Variants in CROT observed in about 807,000 individuals in gnomAD.
CROT encodes the protein peroxisomal carnitine O-octanoyltransferase.
A neutral mutation model predicts 89.2 loss-of-function variants in CROT; 84 were observed. The ratio of observed to expected loss-of-function variants is 0.94; its 90% CI spans 0.79 to 1.13. The LOEUF is 1.13. Among genes scored for constraint, CROT ranks in the 50% most tolerant of loss-of-function variants. The pLI is 0.00. For missense variants in CROT, 711 were observed against 727.8 expected (o/e 0.98, Z 0.27); for synonymous variants, 212 against 239.5 (o/e 0.89, Z 1.06).
chr7:87,361,678 G>T lies in CROT; in HGVS notation c.423-50G>T, dbSNP rs149947132. On this transcript the variant is annotated intron_variant, in intron 5 of 17. Transcript: ENST00000331536. ...GGGGATGAACACTTCAGTTGTGGCTGGTTTTTAAATTTTATAATGACTTTT... is the reference window on the plus strand; with the variant it reads ...GGGGATGAACACTTCAGTTGTGGCTTGTTTTTAAATTTTATAATGACTTTT... The T allele has an allele frequency of 5.2e-6, 8 of 1,533,874 alleles. No homozygotes were observed. In the Admixed American group the frequency reaches 1.7e-4, roughly 33 times the overall value.
rs527692144 is a variant in CROT at position 87,369,176 on chromosome 7, G to T, written c.548-200G>T. On this transcript the variant is annotated intron_variant, in intron 6 of 17. Transcript: ENST00000331536. ...CATTGATTTCTAGATGTCTCACATG[G>T]AACAAGTGTCAGGAGTATGTATTTA... Among the ~76,000 whole-genome samples, 9 of 152,254 alleles carry T rather than the reference G, an allele frequency of 5.9e-5. No homozygotes were observed. The South Asian group carries it at 1.9e-3, about 32-fold the overall frequency.
intron 6 of CROT, among the ~76,000 whole-genome samples, chr7:87,367,103 A>G (rs1394267380): frequency 6.6e-6 from 1 of 152,222 alleles, no homozygotes. Context: ...AATTGTTAAT[A>G]TGTTAGGTTA....
intron 3 of CROT, 85 bp downstream of exon 3, chr7:87,349,268 C>G: frequency 3.2e-6 from 2 of 623,390 alleles, no homozygotes; most frequent in Non-Finnish European, 5.3e-6. Context: ...GGGTCTCGAT[C>G]CAGACTCTAA....
At chr7:87,375,441 G>A (rs1182493347) in intron 7 of CROT, 191 bp from the exon 8 acceptor site, 1 of 511,150 alleles carries the variant, frequency 2.0e-6, no homozygotes, top group African/African-American at 1.9e-5. Context: ...TGTCAAATAT[G>A]CTTTTGGTGT....
chr7:87,358,351 G>A lies in CROT; in HGVS notation c.116-855G>A, dbSNP rs527331272. Among the ~76,000 whole-genome samples, 10 of 150,830 alleles carry A rather than the reference G, an allele frequency of 6.6e-5. No homozygotes were observed. In the South Asian group the frequency reaches 1.0e-3, roughly 16 times the overall value. Reference sequence around the variant, plus strand: ...AAAAAAAAGAGCCAGGAGTGGTGGCGGGCGCCTGTATTCCCAGCTACTCGG... The same window carrying A: ...AAAAAAAAGAGCCAGGAGTGGTGGCAGGCGCCTGTATTCCCAGCTACTCGG... On this transcript the variant is annotated intron_variant, in intron 3 of 17. Transcript: ENST00000331536.
chr7:87,373,862 G>A (rs193041739), intron 7 of CROT, among the ~76,000 whole-genome samples: 179 of 152,192 alleles, frequency 1.2e-3, no homozygotes, highest in African/African-American at 4.1e-3. Context: ...CTTCAGTGAC[G>A]TATGGAGACG....
intron 6 of CROT, 44 bp downstream of exon 6, chr7:87,361,896 T>G: frequency 6.5e-7 from 1 of 1,532,756 alleles, no homozygotes; most frequent in Non-Finnish European, 8.8e-7. Flanking sequence ...GGCACTGGAA[T>G]TTGGGTAGCC....
At chr7:87,353,382 C>T (rs999099129) in intron 3 of CROT, among the ~76,000 whole-genome samples, 4 of 152,102 alleles carry the variant, frequency 2.6e-5, no homozygotes, top group Non-Finnish European at 4.4e-5. Context: ...CTCCTGACCT[C>T]AAGTGATCCG....
chr7:87,398,560 C>G lies in CROT; in HGVS notation c.1755C>G (p.Pro585=), dbSNP rs144430034. Reference sequence around the variant, plus strand: ...CCTGTTCAGCCTGGAAATCCTGTCCCGAGACTGATGCGGAAAAGCTAGTTC... The same window carrying G: ...CCTGTTCAGCCTGGAAATCCTGTCCGGAGACTGATGCGGAAAAGCTAGTTC... ...VVACSAWKSC[P]ETDAEKLVQL... The change falls in exon 18 of 18, where the codon CCC becomes CCG. Residue 585 remains proline, a synonymous_variant. Transcript: ENST00000331536. The G allele has an allele frequency of 1.2e-6, 2 of 1,613,706 alleles. No homozygotes were observed. Among genetic ancestry groups the G allele is most frequent in the Admixed American group, 1.7e-5 (1 of 59,984 alleles).
chr7:87,357,617 G>T, intron 3 of CROT: 1 of 901,248 alleles, frequency 1.1e-6, no homozygotes. Context: ...AGTGAGAAGA[G>T]ACAGCTTATT....
At chr7:87,354,531 G>T (rs541071662) in intron 3 of CROT, 1 of 400,630 alleles carries the variant, frequency 2.5e-6, no homozygotes, top group South Asian at 2.0e-5. Context: ...ACAGAATCAA[G>T]TTATACTAGA....
At position 87,369,376 on chromosome 7, in the gene CROT, A is replaced by T; in HGVS notation, c.548A>T (p.Glu183Val). 1 of 1,603,074 alleles carries T rather than the reference A, an allele frequency of 6.2e-7. No homozygotes were observed. ...TTGTGTTTTCTGTTTCTGTTTCCAG[A>T]GAGTGAAGGGCGTTCCCCAAACCAC... is the stretch of plus-strand genomic sequence containing the variant. Reference protein sequence around the residue: ...RDSIMNYFRTESEGRSPNHIV... With the variant: ...RDSIMNYFRTVSEGRSPNHIV... Residue 183 changes from glutamate (E) to valine (V), a missense_variant and splice_region_variant, in exon 7 of 18, where the codon GAG becomes GTG. By Grantham distance (121) the Glu-to-Val change is moderately radical. Coordinates refer to ENST00000331536, the MANE Select transcript of CROT (RefSeq NM_021151.4).
intron 3 of CROT, among the ~76,000 whole-genome samples, chr7:87,353,814 A>G (rs553873995): frequency 6.6e-6 from 1 of 152,196 alleles, no homozygotes; most frequent in Non-Finnish European, 1.5e-5. Flanking sequence ...AGCCCAAGCC[A>G]TTCTTGAGGG....
rs140102791 is a variant in CROT, at chr7:87,366,382, A to G, written c.548-2994A>G. Among the ~76,000 whole-genome samples, 331 of 151,990 alleles carry G rather than the reference A, an allele frequency of 2.2e-3. 1 individual carries two copies. Among genetic ancestry groups the G allele is most frequent in the Non-Finnish European group, 3.4e-3 (234 of 67,998 alleles). ...GGAAAAAAAAATGCCTTCAGGTTAT[A>G]TCACCACTACATTGTTGCAGTGACT... On this transcript the variant is annotated intron_variant, in intron 6 of 17. Transcript: ENST00000331536.
At chr7:87,363,755 T>A (rs1584628294) in intron 6 of CROT, among the ~76,000 whole-genome samples, 2 of 152,320 alleles carry the variant, frequency 1.3e-5, no homozygotes, top group East Asian at 3.9e-4. Context: ...GTTTGAAGAA[T>A]AGACTTTTAG....
In CROT at chr7:87,361,728, A is replaced by AG. The variant is rs761920131; in HGVS notation, c.424dup (p.Glu142GlyfsTer7). On this transcript the variant is annotated frameshift_variant and splice_region_variant, in exon 6 of 18. Coordinates refer to ENST00000331536, the MANE Select transcript of CROT (RefSeq NM_021151.4). LOFTEE classifies it high-confidence loss of function. ...TTGATCAAAATCCTTTTTTTAATAG[A>AG]GAAAAAGTGCCTGTTCATAAAGTTG... The AG allele has an allele frequency of 5.9e-5, 93 of 1,572,794 alleles. No homozygotes were observed. The highest frequency in any genetic ancestry group is 7.6e-5 in the Non-Finnish European group (88 of 1,165,452).
intron 4 of CROT, chr7:87,359,878 A>G (rs1309753613): frequency 3.0e-6 from 3 of 986,004 alleles, no homozygotes; most frequent in Non-Finnish European, 3.6e-6. Flanking sequence ...CAGCTCAACC[A>G]TTTCTGTACT....
chr7:87,377,434 T>G lies in CROT; in HGVS notation c.962T>G (p.Phe321Cys). Residue 321 changes from phenylalanine (F) to cysteine (C), a missense_variant, in exon 10 of 18, where the codon TTT becomes TGT. Transcript: ENST00000331536. ...YNLISFSNGV[F>C]GCNCDHAPFD... ...TTGATTTCCTTTTCTAATGGAGTATTTGGCTGTAATTGTGATGTAAGTAAA... is the reference window on the plus strand; with the variant it reads ...TTGATTTCCTTTTCTAATGGAGTATGTGGCTGTAATTGTGATGTAAGTAAA... The G allele has an allele frequency of 6.2e-7, 1 of 1,602,226 alleles. No homozygotes were observed. The highest frequency in any genetic ancestry group is 2.2e-5 in the East Asian group (1 of 44,678).
chr7:87,392,929 C>A lies in CROT; in HGVS notation c.1599-19C>A. ...GCATCTGTAGGCCTAGTAAAATGTT[C>A]TTTTATTGTGCCACACAGCGGAGGA... On this transcript the variant is annotated intron_variant, in intron 16 of 17. Coordinates refer to ENST00000331536, the MANE Select transcript of CROT (RefSeq NM_021151.4). 6.2e-7 allele frequency: 1 copy of A among 1,612,830 alleles called. No individual in the cohort carries two copies. The highest frequency in any genetic ancestry group is 8.5e-7 in the Non-Finnish European group (1 of 1,179,488).
Sources: allele counts gnomAD v4.1 joint callset (sites outside exome capture counted in the v4.1 genomes callset), GRCh38; gene constraint gnomAD v4.1.1; transcripts MANE v1.5; gene names NCBI Gene and HGNC (gene_info 2026-07-23, HGNC 2026-07-21).